Variants in STK3 observed in about 807,000 individuals in gnomAD.
STK3 encodes serine/threonine kinase 3, also known as serine/threonine-protein kinase 3.
A neutral mutation model predicts 58.0 loss-of-function variants in STK3; 41 were observed. That is an observed-to-expected ratio of 0.71 (90% CI 0.55 to 0.92). The LOEUF (loss-of-function observed/expected upper bound fraction) is 0.92, where lower values mean the gene tolerates loss of function less well. STK3 is among the 40% of genes least tolerant of loss of function. The pLI is 0.00. For missense variants in STK3, 479 were observed against 602.7 expected, an observed-to-expected ratio of 0.79 and a Z score of 2.15; for synonymous variants, 170 against 191.0, an observed-to-expected ratio of 0.89 and a Z score of 0.91.
chr8:98,816,659 G>A (rs982689602), intron 1 of STK3, among the ~76,000 whole-genome samples: 7 of 151,910 alleles, frequency 4.6e-5, no homozygotes, highest in East Asian at 1.9e-4. Context: ...TCAGCCTCCC[G>A]AGTAGCTGGG....
intron 1 of STK3, among the ~76,000 whole-genome samples, chr8:98,897,284 G>A (rs562102023): frequency 6.6e-6 from 1 of 152,166 alleles, no homozygotes; most frequent in South Asian, 2.1e-4. Flanking sequence ...TTGGCCGGGC[G>A]TGGGGGCTCA....
At chr8:98,913,890 C>G (rs1194066710) in intron 1 of STK3, among the ~76,000 whole-genome samples, 1 of 152,152 alleles carries the variant, frequency 6.6e-6, no homozygotes, top group African/African-American at 2.4e-5. Flanking sequence ...CCTCTTTTGG[C>G]CTCTATTTTC....
chr8:98,441,234 C>T (rs1818683860), intron 1 of STK3, among the ~76,000 whole-genome samples: 1 of 152,234 alleles, frequency 6.6e-6, no homozygotes, highest in Non-Finnish European at 1.5e-5. Context: ...TACTGTATGT[C>T]TTCCCAGACC....
At chr8:98,659,153 T>A (rs1821776399) in intron 6 of STK3, among the ~76,000 whole-genome samples, 1 of 152,082 alleles carries the variant, frequency 6.6e-6, no homozygotes, top group Non-Finnish European at 1.5e-5. Context: ...TGTATTTCCA[T>A]CATTAAGCAA....
intron 6 of STK3, among the ~76,000 whole-genome samples, chr8:98,702,901 A>G (rs1825720040): frequency 6.6e-6 from 1 of 152,188 alleles, no homozygotes; most frequent in Admixed American, 6.5e-5. Context: ...TATATGTAGT[A>G]AATTGTATCA....
chr8:98,642,785 T>A (rs901547744), intron 6 of STK3, among the ~76,000 whole-genome samples: 7 of 152,210 alleles, frequency 4.6e-5, no homozygotes, highest in African/African-American at 1.7e-4. Flanking sequence ...CCTAGCCTGC[T>A]AACCCAGACA....
At chr8:98,520,270 T>C (rs542564553) in intron 10 of STK3, among the ~76,000 whole-genome samples, 25 of 152,284 alleles carry the variant, frequency 1.6e-4, no homozygotes, top group African/African-American at 5.8e-4. Context: ...ATATATTTTA[T>C]CTCCTATCTT....
Position 98,840,583 on chromosome 8 carries a change from GTATATATATATATATATATA to G in STK3, c.110+43044_110+43063del, listed in dbSNP as rs59274441. Among the ~76,000 whole-genome samples the G allele has an allele frequency of 5.4e-3, 429 of 80,086 alleles. 4 individuals are homozygous for G. Among genetic ancestry groups the G allele is most frequent in the South Asian group, 0.01 (19 of 1,874 alleles). The allele number at this position is 80,086 out of a possible 152,430, so 52.5% of individuals were successfully genotyped here. A position where few individuals can be genotyped will look rare whatever the true frequency, so the allele number is the denominator to read the frequency against. On this transcript the variant is annotated intron_variant, in intron 3 of 12. Coordinates refer to the STK3 transcript ENST00000523601. ...TGACAACCTGTCTCAAGAAAAAAAT[GTATATATATATATATATATA>G]TATATATATATATATATATATATAT...
At chr8:98,595,431 G>C (rs1295959966) in intron 7 of STK3, 2 of 151,700 alleles carry the variant, frequency 1.3e-5, no homozygotes, top group Non-Finnish European at 2.9e-5. Flanking sequence ...CAAATATCAA[G>C]TTTTGTTAAT....
intron 1 of STK3, among the ~76,000 whole-genome samples, chr8:98,817,659 A>G (rs969252973): frequency 6.6e-6 from 1 of 152,074 alleles, no homozygotes; most frequent in African/African-American, 2.4e-5. Flanking sequence ...AAAACATAGG[A>G]GCCAGGATTG....
At chr8:98,680,982 T>C (rs756457860) in intron 6 of STK3, among the ~76,000 whole-genome samples, 138 of 67,220 alleles carry the variant, frequency 2.1e-3, no homozygotes, top group Non-Finnish European at 4.3e-3. Context: ...CCCACCTTTC[T>C]TTTTTTTTTT....
chr8:98,825,057 G>T (rs553981140), intron 1 of STK3, among the ~76,000 whole-genome samples: 1 of 152,136 alleles, frequency 6.6e-6, no homozygotes, highest in Non-Finnish European at 1.5e-5. Context: ...CCATACCAAA[G>T]CAGCACTATT....
intron 3 of STK3, among the ~76,000 whole-genome samples, chr8:98,407,676 C>T (rs1332306921): frequency 7.3e-5 from 11 of 150,920 alleles, no homozygotes; most frequent in South Asian, 2.1e-4. Context: ...TTTTAAATTC[C>T]GAGAGGAGCT....
At chr8:98,546,054 C>A (rs1810671095) in intron 9 of STK3, among the ~76,000 whole-genome samples, 2 of 151,992 alleles carry the variant, frequency 1.3e-5, no homozygotes, top group Admixed American at 1.3e-4. Context: ...CTTGTAAAAA[C>A]AAAAAACACA....
intron 8 of STK3, among the ~76,000 whole-genome samples, chr8:98,566,186 CT>C (rs1021448874): frequency 3.9e-5 from 6 of 152,090 alleles, no homozygotes; most frequent in African/African-American, 1.4e-4. Flanking sequence ...CCATACTTTT[CT>C]TGAATAAAAA....
chr8:98,723,596 T>A (rs1009471279), intron 4 of STK3, among the ~76,000 whole-genome samples: 1 of 152,164 alleles, frequency 6.6e-6, no homozygotes, highest in Admixed American at 6.6e-5. Flanking sequence ...ATTTTAATTT[T>A]CTAATAAGTC....
chr8:98,493,118 G>A (rs1251016971), intron 10 of STK3, among the ~76,000 whole-genome samples: 1 of 150,042 alleles, frequency 6.7e-6, no homozygotes, highest in East Asian at 2.0e-4. Flanking sequence ...TGTAGTCCCA[G>A]CTACTTGGGA....
At chr8:98,819,890 T>C (rs1448067633) in intron 1 of STK3, among the ~76,000 whole-genome samples, 1 of 152,218 alleles carries the variant, frequency 6.6e-6, no homozygotes, top group Non-Finnish European at 1.5e-5. Context: ...TCTACTTAAC[T>C]GGTGTGTTGC....
intron 10 of STK3, among the ~76,000 whole-genome samples, chr8:98,509,930 C>T (rs932551749): frequency 6.6e-6 from 1 of 151,982 alleles, no homozygotes; most frequent in Non-Finnish European, 1.5e-5. Context: ...ATTCAAATCA[C>T]TTCTTTTTAA....
Sources: gnomAD v4.1 joint callset for allele counts (sites outside exome capture counted in the v4.1 genomes callset) on GRCh38, gnomAD v4.1.1 for gene constraint, MANE v1.5 for transcripts, NCBI Gene and HGNC (gene_info 2026-07-23, HGNC 2026-07-21) for gene names.